The following GBF1 variants were observed in gnomAD, a reference collection of about 807,000 sequenced individuals.
GBF1 encodes the protein Golgi-specific brefeldin A-resistance guanine nucleotide exchange factor 1.
In GBF1, 114 loss-of-function variants were observed where a neutral mutation model predicts 210.5. The observed-to-expected ratio is 0.54, with a 90% CI of 0.47 to 0.63. The LOEUF is 0.63. Ranked by LOEUF, GBF1 falls within the 30% of genes least tolerant of loss-of-function variation. The pLI, the probability that GBF1 is intolerant of heterozygous loss-of-function variation, is 0.00. For missense variants in GBF1, 1,851 were observed against 2,357.7 expected, an observed-to-expected ratio of 0.79 and a Z score of 4.45; for synonymous variants, 850 against 889.2, an observed-to-expected ratio of 0.96 and a Z score of 0.78.
chr10:102,351,696 G>T (rs1274834474), intron 5 of GBF1, 147 bp from the exon 6 acceptor site: 1 of 628,456 alleles, frequency 1.6e-6, no homozygotes, highest in Non-Finnish European at 2.9e-6. Flanking sequence ...GTCATAAAAA[G>T]TGAAGAAACA....
Position 102,258,994 on chromosome 10 carries a change from C to A in GBF1, c.56C>A (p.Ala19Asp). ...IQGEINIVVGAIKRNARWSTH... is the reference protein window; with the variant it reads ...IQGEINIVVGDIKRNARWSTH... ...GGGGAGATTAACATTGTGGTTGGGG[C>A]CATCAAACGAAATGCCCGATGGAGC... Residue 19 changes from alanine (A) to aspartate (D), a missense_variant, in exon 2 of 40, where the codon GCC (alanine) becomes GAC (aspartate). This residue lies in a region of GBF1 where 804 missense variants were observed against 958.6 expected (regional missense o/e 0.84). Transcript: ENST00000369983. 1 of 1,607,436 alleles carries A rather than the reference C, an allele frequency of 6.2e-7. No individual in the cohort carries two copies. The highest frequency in any genetic ancestry group is 8.5e-7 in the Non-Finnish European group (1 of 1,174,044).
intron 29 of GBF1, among the ~76,000 whole-genome samples, chr10:102,371,329 G>T (rs79806073): frequency 0.012 from 1,859 of 152,160 alleles, 33 homozygotes; most frequent in African/African-American, 0.043. Flanking sequence ...CATTTACAAG[G>T]GTTCCAAATA....
At chr10:102,291,216 G>A (rs1050220497) in intron 3 of GBF1, among the ~76,000 whole-genome samples, 27 of 151,996 alleles carry the variant, frequency 1.8e-4, no homozygotes, top group African/African-American at 6.3e-4. Flanking sequence ...ATAATACCCA[G>A]ACTGGTCTGA....
chr10:102,345,859 C>T (rs2058529194), intron 4 of GBF1, among the ~76,000 whole-genome samples: 1 of 151,864 alleles, frequency 6.6e-6, no homozygotes, highest in Admixed American at 6.6e-5. Flanking sequence ...TTTATTACCC[C>T]AAATAGAAAC....
intron 3 of GBF1, among the ~76,000 whole-genome samples, chr10:102,280,115 C>A (rs1388963862): frequency 6.7e-6 from 1 of 148,170 alleles, no homozygotes; most frequent in Admixed American, 6.7e-5. Flanking sequence ...CAGAGGAGTC[C>A]CTGTCTTAAA....
At chr10:102,305,312 C>A (rs546481511) in intron 3 of GBF1, among the ~76,000 whole-genome samples, 3 of 151,680 alleles carry the variant, frequency 2.0e-5, no homozygotes, top group Non-Finnish European at 2.9e-5. Flanking sequence ...TTTCTCCTAG[C>A]TATAGAAATT....
At chr10:102,265,162 T>C (rs888758279) in intron 3 of GBF1, among the ~76,000 whole-genome samples, 2 of 152,228 alleles carry the variant, frequency 1.3e-5, no homozygotes, top group Non-Finnish European at 2.9e-5. Context: ...GTCTTTGATC[T>C]CTTTGTTCCC....
chr10:102,246,991 A>C (rs927364471), intron 1 of GBF1, among the ~76,000 whole-genome samples: 1 of 152,194 alleles, frequency 6.6e-6, no homozygotes, highest in Non-Finnish European at 1.5e-5. Flanking sequence ...GGATCAACCT[A>C]ATACCTTTTG....
chr10:102,311,272 G>A (rs139044202), intron 3 of GBF1, among the ~76,000 whole-genome samples: 4 of 152,314 alleles, frequency 2.6e-5, no homozygotes, highest in Admixed American at 2.6e-4. Context: ...AATGTCCTTA[G>A]TTGTTCTGGG....
intron 3 of GBF1, among the ~76,000 whole-genome samples, chr10:102,334,848 C>CAA (rs200899049): frequency 9.7e-5 from 9 of 92,932 alleles, no homozygotes; most frequent in Admixed American, 2.4e-4. Flanking sequence ...GACTTCGTCT[C>CAA]AAAAAAAAAA....
At chr10:102,294,127 TA>T (rs1271042275) in intron 3 of GBF1, among the ~76,000 whole-genome samples, 1 of 151,944 alleles carries the variant, frequency 6.6e-6, no homozygotes, top group Non-Finnish European at 1.5e-5. Flanking sequence ...TCCAAAAGCT[TA>T]AAAAAATTTA....
chr10:102,362,574 A>G lies in GBF1; in HGVS notation c.1786A>G (p.Lys596Glu). ...CAGCACCGAGGCCCACTGCCAGGCT[A>G]AAGTCCTCAACAGCCTCACCCAGCA... ...IDSTEAHCQA[K>E]VLNSLTQQEK... The change falls in exon 15 of 40, where the codon AAA becomes GAA. Residue 596 changes from lysine to glutamate, a missense_variant. This residue lies in a region of GBF1 where 804 missense variants were observed against 958.6 expected (regional missense o/e 0.84). Coordinates refer to ENST00000369983, the MANE Select transcript of GBF1 (RefSeq NM_001377137.1). 1 of 1,614,064 alleles carries G rather than the reference A, an allele frequency of 6.2e-7. No individual in the cohort carries two copies. Among genetic ancestry groups the G allele is most frequent in the Non-Finnish European group, 8.5e-7 (1 of 1,179,938 alleles).
intron 3 of GBF1, among the ~76,000 whole-genome samples, chr10:102,278,305 T>G (rs1356679764): frequency 6.6e-6 from 1 of 151,786 alleles, no homozygotes; most frequent in Non-Finnish European, 1.5e-5. Flanking sequence ...TATGGAGTTA[T>G]CTGTAACTCC....
chr10:102,335,909 A>G (rs897226265), intron 3 of GBF1, among the ~76,000 whole-genome samples: 1 of 152,142 alleles, frequency 6.6e-6, no homozygotes, highest in Non-Finnish European at 1.5e-5. Context: ...GTAAATATCA[A>G]CCACCCGTTA....
chr10:102,235,377 C>G, the GBF1 span, among the ~76,000 whole-genome samples: 1 of 152,060 alleles, frequency 6.6e-6, no homozygotes, highest in African/African-American at 2.4e-5. Context: ...AGGCCCCTCT[C>G]AGGAAAGTCA....
intron 12 of GBF1, among the ~76,000 whole-genome samples, chr10:102,360,687 T>C (rs548028872): frequency 1.2e-4 from 18 of 152,194 alleles, no homozygotes; most frequent in African/African-American, 3.9e-4. Flanking sequence ...TTCAGAAACC[T>C]CACAGCCGGG....
rs1195082720 is a variant in GBF1 at position 102,366,854 on chromosome 10, G to C, written c.2434-231G>C. ...GCCCACCTCGGCCTCCCTGAGTGCT[G>C]GGATTACAAGCGTGAACCACCGCAC... On this transcript the variant is annotated intron_variant, in intron 19 of 39. Coordinates refer to ENST00000369983, the MANE Select transcript of GBF1 (RefSeq NM_001377137.1). This position sits in a 1 kb window ranked among gnomAD's most constrained non-coding sequence, Gnocchi z 4.0. Among the ~76,000 whole-genome samples, 1 of 152,054 alleles carries C rather than the reference G, an allele frequency of 6.6e-6. No individual in the cohort carries two copies. Among genetic ancestry groups the C allele is most frequent in the Non-Finnish European group, 1.5e-5 (1 of 68,020 alleles).
chr10:102,370,149 C>G (rs1158910282), intron 26 of GBF1, 25 bp from the exon 27 acceptor site: 1 of 1,579,862 alleles, frequency 6.3e-7, no homozygotes, highest in Non-Finnish European at 8.7e-7. Context: ...TGTCAAAGAC[C>G]CCCTCTCTCT....
rs372914805 is a variant in GBF1 at position 102,379,972 on chromosome 10, A to G, written c.4878+18A>G. 4.7e-6 allele frequency: 7 copies of G among 1,496,110 alleles called. No homozygotes were observed. Among genetic ancestry groups the G allele is most frequent in the Admixed American group, 3.4e-5 (2 of 58,030 alleles). The allele number at this position is 1,496,110 out of a possible 1,614,324, so 92.7% of individuals were successfully genotyped here. On this transcript the variant is annotated intron_variant, in intron 36 of 39. Transcript: ENST00000369983. Reference sequence around the variant, plus strand: ...TCTCTAAGGTACTGCTCACCACCCTATACCCACCCTCTCTCCCATACCTGC... The same window carrying G: ...TCTCTAAGGTACTGCTCACCACCCTGTACCCACCCTCTCTCCCATACCTGC...
Sources: gnomAD v4.1 joint callset for allele counts (sites outside exome capture counted in the v4.1 genomes callset) on GRCh38, gnomAD v4.1.1 for gene constraint, gnomAD v4.1.1 regional missense constraint, Gnocchi (gnomAD v3.1) non-coding constraint, MANE v1.5 for transcripts, NCBI Gene and HGNC (gene_info 2026-07-23, HGNC 2026-07-21) for gene names.